The following NRXN3 variants were observed in gnomAD, a reference collection of about 807,000 sequenced individuals.
The protein encoded by NRXN3 is neurexin III.
A neutral mutation model predicts 137.6 loss-of-function variants in NRXN3; 32 were observed. The observed-to-expected ratio is 0.23, with a 90% confidence interval of 0.18 to 0.31. The LOEUF (loss-of-function observed/expected upper bound fraction) is 0.31, where lower values mean the gene tolerates loss of function less well. Among genes scored for constraint, NRXN3 ranks in the 10% least tolerant of loss-of-function variants. The pLI is 1.00. For synonymous variants in NRXN3, 798 were observed against 784.5 expected, an observed-to-expected ratio of 1.02 and a Z score of -0.29; for missense variants, 1,574 against 2,062.5, an observed-to-expected ratio of 0.76 and a Z score of 4.59.
intron 10 of NRXN3, among the ~76,000 whole-genome samples, chr14:78,906,672 G>A (rs143601759): frequency 1.8e-3 from 279 of 152,066 alleles, no homozygotes; most frequent in African/African-American, 6.0e-3. Context: ...TGCAATTGCC[G>A]CACAAAGGGT....
intron 1 of NRXN3, among the ~76,000 whole-genome samples, chr14:78,202,182 G>T (rs2061744166): frequency 6.6e-6 from 1 of 152,122 alleles, no homozygotes; most frequent in South Asian, 2.1e-4. Flanking sequence ...GAAGTAGGAG[G>T]GGGAAACGAA....
At chr14:78,847,528 C>T (rs1163501311) in intron 10 of NRXN3, among the ~76,000 whole-genome samples, 2 of 151,934 alleles carry the variant, frequency 1.3e-5, no homozygotes, top group South Asian at 2.1e-4. Context: ...AGGAGGAAAT[C>T]GAGTGAAGTG....
chr14:79,116,918 T>C (rs1276822806), intron 15 of NRXN3, among the ~76,000 whole-genome samples: 2 of 152,240 alleles, frequency 1.3e-5, no homozygotes, highest in Non-Finnish European at 1.5e-5. Context: ...TCTCCATGCC[T>C]TGTCAAAGAT....
At chr14:78,925,436 G>A (rs906955798) in intron 10 of NRXN3, among the ~76,000 whole-genome samples, 5 of 152,144 alleles carry the variant, frequency 3.3e-5, no homozygotes, top group Admixed American at 3.3e-4. Flanking sequence ...ATTCACACAT[G>A]CATAGGGAGA....
intron 4 of NRXN3, among the ~76,000 whole-genome samples, chr14:78,544,845 G>A (rs975683071): frequency 1.3e-4 from 20 of 152,200 alleles, no homozygotes; most frequent in African/African-American, 3.6e-4. Context: ...CTTGCAACTT[G>A]TTCCATCTAC....
At chr14:78,877,098 A>G (rs1407441708) in intron 10 of NRXN3, among the ~76,000 whole-genome samples, 2 of 152,176 alleles carry the variant, frequency 1.3e-5, no homozygotes, top group African/African-American at 4.8e-5. Context: ...TGCAATTTGT[A>G]CTCGATATTG....
chr14:79,002,063 C>G (rs75760669), intron 15 of NRXN3, among the ~76,000 whole-genome samples: 1 of 152,130 alleles, frequency 6.6e-6, no homozygotes, highest in South Asian at 2.1e-4. Flanking sequence ...TTTGTGCTTA[C>G]TATAGTTTCC....
chr14:78,197,385 C>G (rs1361201733), intron 1 of NRXN3, among the ~76,000 whole-genome samples: 1 of 152,228 alleles, frequency 6.6e-6, no homozygotes, highest in African/African-American at 2.4e-5. Flanking sequence ...GGCTGCATGG[C>G]AAAAGGTTGC....
At chr14:79,660,878 C>T (rs1480221559) in intron 16 of NRXN3, among the ~76,000 whole-genome samples, 1 of 152,106 alleles carries the variant, frequency 6.6e-6, no homozygotes, top group Non-Finnish European at 1.5e-5. Flanking sequence ...GGTTTCTTAA[C>T]TCCTCTAGTA....
intron 16 of NRXN3, among the ~76,000 whole-genome samples, chr14:79,475,306 G>A (rs1388992103): frequency 6.6e-6 from 1 of 152,076 alleles, no homozygotes; most frequent in East Asian, 1.9e-4. Flanking sequence ...TTATGAGAAG[G>A]AAAGGCCAAA....
intron 16 of NRXN3, among the ~76,000 whole-genome samples, chr14:79,523,553 C>A (rs1015171739): frequency 2.0e-5 from 3 of 152,204 alleles, no homozygotes; most frequent in Non-Finnish European, 4.4e-5. Flanking sequence ...GCACTCACTG[C>A]TCAGGATCTG....
intron 15 of NRXN3, among the ~76,000 whole-genome samples, chr14:79,376,193 T>TGG (rs1292252837): frequency 1.1e-5 from 1 of 93,724 alleles, no homozygotes; most frequent in African/African-American, 4.3e-5. Flanking sequence ...TATATACATG[T>TGG]GGGTGTGTGT....
chr14:78,716,928 C>A (rs1054097793), intron 8 of NRXN3, among the ~76,000 whole-genome samples: 7 of 152,146 alleles, frequency 4.6e-5, no homozygotes, highest in African/African-American at 1.7e-4. Flanking sequence ...CAGGAATAGG[C>A]CACAAGGGGC....
intron 1 of NRXN3, among the ~76,000 whole-genome samples, chr14:78,242,128 A>G (rs1052443508): frequency 6.6e-6 from 1 of 152,206 alleles, no homozygotes; most frequent in Non-Finnish European, 1.5e-5. Context: ...GAATATTCTA[A>G]TAATGTGCTG....
At chr14:79,838,500 T>A (rs1433892076) in intron 20 of NRXN3, among the ~76,000 whole-genome samples, 1 of 152,200 alleles carries the variant, frequency 6.6e-6, no homozygotes, top group Non-Finnish European at 1.5e-5. Context: ...TCACAAGTAG[T>A]GTGAAAACTT....
In NRXN3 at chr14:79,000,245, A is replaced by T. The variant is rs879921038; in HGVS notation, c.3262+12104A>T. 1.4e-3 allele frequency among the ~76,000 whole-genome samples: 208 copies of T among 152,310 alleles called. 1 individual carries two copies. The highest frequency in any genetic ancestry group is 4.5e-3 in the African/African-American group (187 of 41,564). On this transcript the variant is annotated intron_variant, in intron 15 of 20. Coordinates refer to ENST00000335750, the MANE Select transcript of NRXN3 (RefSeq NM_001330195.2). ...AGATATTCTTATGTGAGTGAAATCA[A>T]ATGCATGTATGTGCATACATATGTA... is the stretch of plus-strand genomic sequence containing the variant.
At chr14:78,329,573 G>A (rs192787964) in intron 4 of NRXN3, among the ~76,000 whole-genome samples, 45 of 152,160 alleles carry the variant, frequency 3.0e-4, no homozygotes, top group East Asian at 1.9e-4. Context: ...AGAGCTTTGC[G>A]CTAATGGACT....
chr14:79,489,699 AG>A (rs996243663), intron 16 of NRXN3, among the ~76,000 whole-genome samples: 9 of 152,286 alleles, frequency 5.9e-5, no homozygotes, highest in Admixed American at 5.9e-4. Context: ...TTAACCTGGA[AG>A]GGAAGAAAAC....
intron 16 of NRXN3, among the ~76,000 whole-genome samples, chr14:79,518,667 ACT>A (rs1481503653): frequency 6.6e-6 from 1 of 151,814 alleles, no homozygotes; most frequent in East Asian, 1.9e-4. Context: ...TAATTTTATC[ACT>A]CTCTTTCCAG....
Sources: allele counts gnomAD v4.1 joint callset (sites outside exome capture counted in the v4.1 genomes callset), GRCh38; gene constraint gnomAD v4.1.1; transcripts MANE v1.5; gene names NCBI Gene and HGNC (gene_info 2026-07-23, HGNC 2026-07-21).